Variants in GRID1 observed in about 807,000 individuals in gnomAD.
The protein encoded by GRID1 is glutamate ionotropic receptor delta type subunit 1.
A neutral mutation model predicts 98.0 loss-of-function variants in GRID1; 28 were observed. The ratio of observed to expected loss-of-function variants is 0.29; its 90% confidence interval spans 0.21 to 0.39. The LOEUF is 0.39. Ranked by LOEUF, GRID1 falls within the 10% of genes least tolerant of loss-of-function variation. GRID1 has a pLI of 1.00. For synonymous variants in GRID1, 553 were observed against 538.5 expected, an observed-to-expected ratio of 1.03 and a Z score of -0.37; for missense variants, 1,111 against 1,340.5, an observed-to-expected ratio of 0.83 and a Z score of 2.67.
chr10:86,288,540 G>A (rs1422292322), intron 2 of GRID1, among the ~76,000 whole-genome samples: 1 of 152,172 alleles, frequency 6.6e-6, no homozygotes, highest in African/African-American at 2.4e-5. Flanking sequence ...CAGAAACAAG[G>A]TGGAACTCTG....
At chr10:86,015,047 G>A (rs1156252465) in intron 4 of GRID1, among the ~76,000 whole-genome samples, 1 of 152,110 alleles carries the variant, frequency 6.6e-6, no homozygotes, top group Non-Finnish European at 1.5e-5. Context: ...TTAACATTGA[G>A]TCCCTCTCAA....
intron 8 of GRID1, among the ~76,000 whole-genome samples, chr10:85,841,542 C>T (rs753135984): frequency 1.4e-4 from 22 of 152,100 alleles, no homozygotes; most frequent in Non-Finnish European, 2.2e-4. Context: ...ATAGGGTAAA[C>T]TGACAACCTA....
At chr10:86,197,264 A>G (rs959053535) in intron 3 of GRID1, among the ~76,000 whole-genome samples, 1 of 152,122 alleles carries the variant, frequency 6.6e-6, no homozygotes, top group Non-Finnish European at 1.5e-5. Flanking sequence ...GTGCAGGAAG[A>G]GTGTCCCAGG....
In GRID1 at chr10:85,920,601, G is replaced by A. The variant is rs547291947; in HGVS notation, c.727-4362C>T. Among the ~76,000 whole-genome samples, 20 of 152,306 alleles carry A rather than the reference G, an allele frequency of 1.3e-4. No homozygotes were observed. The East Asian group carries it at 3.7e-3, about 28-fold the overall frequency. ...TCAATACAGCTTTGCAAAGTGGTGG[G>A]CACCACCACCTCCATGTGCTCCCCT... On this transcript the variant is annotated intron_variant, in intron 4 of 15. Coordinates refer to ENST00000327946, the MANE Select transcript of GRID1 (RefSeq NM_017551.3).
At chr10:85,833,071 C>T (rs541099685) in intron 8 of GRID1, among the ~76,000 whole-genome samples, 34 of 152,262 alleles carry the variant, frequency 2.2e-4, no homozygotes, top group Non-Finnish European at 4.3e-4. Flanking sequence ...GATACTCAGG[C>T]AGCTGGGCAG....
intron 15 of GRID1, among the ~76,000 whole-genome samples, chr10:85,611,578 G>A (rs1842733298): frequency 6.6e-6 from 1 of 152,198 alleles, no homozygotes; most frequent in Non-Finnish European, 1.5e-5. Flanking sequence ...ACAACACGGA[G>A]CGGGTGCAAC....
chr10:86,225,129 C>G (rs538878329), intron 2 of GRID1, among the ~76,000 whole-genome samples: 11 of 152,320 alleles, frequency 7.2e-5, no homozygotes, highest in Middle Eastern at 3.4e-3. Flanking sequence ...GCAGACAACC[C>G]TGGTGTGAAG....
chr10:85,663,285 C>G (rs1329892194), intron 12 of GRID1, among the ~76,000 whole-genome samples: 2 of 152,188 alleles, frequency 1.3e-5, no homozygotes, highest in East Asian at 1.9e-4. Flanking sequence ...AATTTCTACA[C>G]AGATACCTAC....
At chr10:86,093,101 T>C (rs1844171563) in intron 4 of GRID1, among the ~76,000 whole-genome samples, 1 of 152,120 alleles carries the variant, frequency 6.6e-6, no homozygotes. Flanking sequence ...TGCAAATCCA[T>C]AGAAATTCAA....
chr10:86,057,284 C>A (rs1159848387), intron 4 of GRID1, among the ~76,000 whole-genome samples: 1 of 152,220 alleles, frequency 6.6e-6, no homozygotes, highest in Non-Finnish European at 1.5e-5. Flanking sequence ...TCACAGAAGT[C>A]ACCTAGGATT....
In GRID1 at chr10:86,192,801, G is replaced by A. The variant is rs1845824101; in HGVS notation, c.520+13563C>T. 6.6e-6 allele frequency among the ~76,000 whole-genome samples: 1 copy of A among 151,992 alleles called. No individual in the cohort carries two copies. The highest frequency in any genetic ancestry group is 2.1e-4 in the South Asian group (1 of 4,830). On this transcript the variant is annotated intron_variant, in intron 3 of 15. Transcript: ENST00000327946. This position sits in a 1 kb window ranked among gnomAD's most constrained non-coding sequence, Gnocchi z 4.8. ...AGGGCCAACAGGTGATGTTCACACC[G>A]ATATATGTGGTGATTCCACAGAACC... is the stretch of plus-strand genomic sequence containing the variant.
chr10:85,904,946 T>C (rs1841439510), intron 5 of GRID1, among the ~76,000 whole-genome samples: 1 of 151,994 alleles, frequency 6.6e-6, no homozygotes, highest in African/African-American at 2.4e-5. Flanking sequence ...TATAAAAGAT[T>C]TTTTTCACAT....
chr10:85,936,162 G>C (rs1234590088), intron 4 of GRID1, among the ~76,000 whole-genome samples: 1 of 152,190 alleles, frequency 6.6e-6, no homozygotes, highest in Non-Finnish European at 1.5e-5. Context: ...AGGTTTCTTG[G>C]AACAGATGAT....
chr10:86,001,098 C>T (rs1391961869), intron 4 of GRID1, among the ~76,000 whole-genome samples: 1 of 152,158 alleles, frequency 6.6e-6, no homozygotes, highest in Non-Finnish European at 1.5e-5. Flanking sequence ...GTCTCAAAGG[C>T]TACATACTGC....
chr10:85,829,162 A>G (rs1028303063), intron 8 of GRID1, among the ~76,000 whole-genome samples: 1 of 152,186 alleles, frequency 6.6e-6, no homozygotes, highest in Non-Finnish European at 1.5e-5. Flanking sequence ...GCATATACAA[A>G]TTAATGTGAT....
chr10:85,691,262 C>T (rs963800867), intron 12 of GRID1, among the ~76,000 whole-genome samples: 8 of 152,198 alleles, frequency 5.3e-5, no homozygotes, highest in African/African-American at 1.4e-4. Context: ...CCTCTGCCAA[C>T]GAGAGTTTAG....
intron 4 of GRID1, among the ~76,000 whole-genome samples, chr10:86,106,684 C>T (rs1017358912): frequency 6.0e-4 from 91 of 152,122 alleles, no homozygotes; most frequent in African/African-American, 2.0e-3. Context: ...TCCTGATCAT[C>T]AGAGATGATC....
rs532225221 is a variant in GRID1, at chr10:86,231,167, G to A, written c.236-24519C>T. Reference sequence around the variant, plus strand: ...GATACACATTTTGCAAATGGCAGGAGACATGCATGTCAGAAAATTGTCCAC... The same window carrying A: ...GATACACATTTTGCAAATGGCAGGAAACATGCATGTCAGAAAATTGTCCAC... On this transcript the variant is annotated intron_variant, in intron 2 of 15. Transcript: ENST00000327946. Among the ~76,000 whole-genome samples, 92 of 152,320 alleles carry A rather than the reference G, an allele frequency of 6.0e-4. 1 individual carries two copies. In the South Asian group the frequency reaches 0.018, roughly 30 times the overall value.
chr10:85,802,838 AACACACAC>A (rs59101010), intron 8 of GRID1, among the ~76,000 whole-genome samples: 1,749 of 120,952 alleles, frequency 0.014, 35 homozygotes, highest in African/African-American at 0.051. Context: ...AAGCAGAATA[AACACACAC>A]ACACACACAC....
Sources: allele counts gnomAD v4.1 joint callset (sites outside exome capture counted in the v4.1 genomes callset), GRCh38; gene constraint gnomAD v4.1.1; non-coding constraint Gnocchi (gnomAD v3.1); transcripts MANE v1.5; gene names NCBI Gene and HGNC (gene_info 2026-07-23, HGNC 2026-07-21).